Variants in MYO5B observed in about 807,000 individuals in gnomAD.
The protein encoded by MYO5B is unconventional myosin-Vb.
A neutral mutation model predicts 229.3 loss-of-function variants in MYO5B; 143 were observed. The ratio of observed to expected loss-of-function variants is 0.62; its 90% CI spans 0.54 to 0.72. MYO5B has a LOEUF of 0.72. Among genes scored for constraint, MYO5B ranks in the 30% least tolerant of loss-of-function variants. The probability of loss-of-function intolerance (pLI) is 0.00; values close to 1 mark genes in which losing one functional copy is unlikely to be tolerated. For missense variants in MYO5B, 2,321 were observed against 2,331.0 expected, an observed-to-expected ratio of 1.00 and a Z score of 0.09; for synonymous variants, 918 against 885.2, an observed-to-expected ratio of 1.04 and a Z score of -0.66.
At chr18:50,122,941 C>A (rs1485757827) in intron 1 of MYO5B, among the ~76,000 whole-genome samples, 1 of 152,154 alleles carries the variant, frequency 6.6e-6, no homozygotes. Context: ...ACAGAATTAC[C>A]ATGTGATCTA....
intron 1 of MYO5B, among the ~76,000 whole-genome samples, chr18:50,138,434 G>A (rs1193931099): frequency 6.6e-6 from 1 of 152,202 alleles, no homozygotes; most frequent in Non-Finnish European, 1.5e-5. Context: ...GGCAGGAGCA[G>A]TAAATGGAAT....
At chr18:50,163,412 G>T (rs1359555836) in intron 1 of MYO5B, among the ~76,000 whole-genome samples, 1 of 152,142 alleles carries the variant, frequency 6.6e-6, no homozygotes, top group Non-Finnish European at 1.5e-5. Flanking sequence ...CATCAGCCCA[G>T]CCCTGCAGAT....
rs550056710 is a variant in MYO5B at position 49,909,150 on chromosome 18, C to A, written c.2203-2520G>T. 3.3e-5 allele frequency among the ~76,000 whole-genome samples: 5 copies of A among 152,344 alleles called. No individual in the cohort carries two copies. In the East Asian group the frequency reaches 7.7e-4, roughly 23 times the overall value. On this transcript the variant is annotated intron_variant, in intron 18 of 39. Transcript: ENST00000285039. Reference sequence around the variant, plus strand: ...GCATGTGCCCCTCTAAGTTAACACGCAGCTCTGTCAAGTCTTAGTTTCTCG... The same window carrying A: ...GCATGTGCCCCTCTAAGTTAACACGAAGCTCTGTCAAGTCTTAGTTTCTCG...
chr18:50,063,861 T>C (rs540210382), intron 1 of MYO5B: 1 of 152,464 alleles, frequency 6.6e-6, no homozygotes, highest in South Asian at 2.1e-4. Context: ...AGTCTCCATG[T>C]GGCTGATGAA....
chr18:49,950,221 C>T (rs1167840589), intron 14 of MYO5B, among the ~76,000 whole-genome samples: 1 of 152,140 alleles, frequency 6.6e-6, no homozygotes, highest in Non-Finnish European at 1.5e-5. Flanking sequence ...AGGGTTGTTG[C>T]TGGGATGGGG....
chr18:50,088,044 T>C (rs577058804), intron 1 of MYO5B, among the ~76,000 whole-genome samples: 7 of 152,214 alleles, frequency 4.6e-5, no homozygotes, highest in African/African-American at 1.4e-4. Context: ...TTGAAGGATG[T>C]AGAAGATTTG....
intron 4 of MYO5B, among the ~76,000 whole-genome samples, chr18:50,006,598 C>G (rs555094558): frequency 1.6e-4 from 24 of 152,218 alleles, no homozygotes; most frequent in African/African-American, 4.8e-4. Flanking sequence ...ACTGGCCCCC[C>G]CTTCTGTGAC....
At chr18:50,100,058 A>T (rs1042970736) in intron 1 of MYO5B, among the ~76,000 whole-genome samples, 3 of 152,198 alleles carry the variant, frequency 2.0e-5, no homozygotes, top group Non-Finnish European at 4.4e-5. Flanking sequence ...CAAGATACAC[A>T]GCCAAGATAT....
At chr18:49,829,418 A>G (rs1157113281) in intron 39 of MYO5B, among the ~76,000 whole-genome samples, 1 of 152,234 alleles carries the variant, frequency 6.6e-6, no homozygotes, top group Non-Finnish European at 1.5e-5. Context: ...GAAGAAATAG[A>G]AAATTTGAAT....
intron 18 of MYO5B, among the ~76,000 whole-genome samples, chr18:49,910,399 T>C (rs932053353): frequency 6.6e-6 from 1 of 152,216 alleles, no homozygotes; most frequent in African/African-American, 2.4e-5. Flanking sequence ...AGTGGGCTAC[T>C]TGCAGGCCCT....
intron 4 of MYO5B, among the ~76,000 whole-genome samples, chr18:50,025,250 C>G (rs2026318144): frequency 6.6e-6 from 1 of 152,234 alleles, no homozygotes; most frequent in African/African-American, 2.4e-5. Context: ...TAAGTACCAT[C>G]TACAGGTCAA....
At chr18:50,157,565 CT>C (rs562930355) in intron 1 of MYO5B, among the ~76,000 whole-genome samples, 1 of 152,314 alleles carries the variant, frequency 6.6e-6, no homozygotes, top group East Asian at 1.9e-4. Context: ...TTTCTCTCAG[CT>C]CCAGCCACAT....
intron 4 of MYO5B, among the ~76,000 whole-genome samples, chr18:50,007,580 C>T (rs1236982317): frequency 6.6e-6 from 1 of 152,218 alleles, no homozygotes; most frequent in Non-Finnish European, 1.5e-5. Context: ...GGACCGAGCA[C>T]CTCTCTCCAG....
chr18:49,959,786 T>A (rs1198711165), intron 12 of MYO5B, among the ~76,000 whole-genome samples: 1 of 152,058 alleles, frequency 6.6e-6, no homozygotes, highest in African/African-American at 2.4e-5. Context: ...CCAACCCAAA[T>A]AGGGCTTAGA....
Position 49,879,307 on chromosome 18 carries a change from AG to A in MYO5B, c.3131-218del, listed in dbSNP as rs983589452. On this transcript the variant is annotated intron_variant, in intron 23 of 39. Transcript: ENST00000285039. ...AGAGGGAGAGAAAGACCCTGCTCTC[AG>A]GGAATGGGGAGAGAGAAGTTGGCAG... 4 of 590,072 alleles carry A rather than the reference AG, an allele frequency of 6.8e-6. No homozygotes were observed. In the African/African-American group the frequency reaches 7.4e-5, roughly 11 times the overall value. 36.6% of individuals were successfully genotyped at this position (590,072 alleles called of 1,614,324 possible).
intron 2 of MYO5B, among the ~76,000 whole-genome samples, chr18:50,047,201 G>A (rs2030253952): frequency 2.0e-5 from 3 of 152,078 alleles, no homozygotes; most frequent in Admixed American, 1.3e-4. Flanking sequence ...CTGACAAAGG[G>A]CTAATATCCA....
At chr18:50,129,347 T>C (rs1269006966) in intron 1 of MYO5B, among the ~76,000 whole-genome samples, 4 of 152,198 alleles carry the variant, frequency 2.6e-5, no homozygotes, top group Admixed American at 2.6e-4. Flanking sequence ...CAGACAAGCT[T>C]CTGCCCTATA....
chr18:49,942,350 A>G (rs1193063289), intron 14 of MYO5B, among the ~76,000 whole-genome samples: 2 of 146,720 alleles, frequency 1.4e-5, no homozygotes, highest in South Asian at 2.2e-4. Context: ...GACAAATGGG[A>G]TCTAATTAAA....
chr18:49,903,390 G>T (rs895983714), intron 20 of MYO5B, among the ~76,000 whole-genome samples: 1 of 152,162 alleles, frequency 6.6e-6, no homozygotes, highest in South Asian at 2.1e-4. Flanking sequence ...AAGCAAACAG[G>T]CTGAGCAATG....
Sources: gnomAD v4.1 joint callset for allele counts (sites outside exome capture counted in the v4.1 genomes callset) on GRCh38, gnomAD v4.1.1 for gene constraint, MANE v1.5 for transcripts, NCBI Gene and HGNC (gene_info 2026-07-23, HGNC 2026-07-21) for gene names.